The following TPCN2 variants were observed in gnomAD, a reference collection of about 807,000 sequenced individuals.
TPCN2 encodes the protein two pore channel protein 2.
In TPCN2, 92 loss-of-function variants were observed where a neutral mutation model predicts 111.4. The ratio of observed to expected loss-of-function variants is 0.83; its 90% CI spans 0.70 to 0.98. The LOEUF is 0.98. Ranked by LOEUF, TPCN2 falls within the 50% of genes least tolerant of loss-of-function variation. The pLI is 0.00. For synonymous variants in TPCN2, 405 were observed against 414.5 expected, an observed-to-expected ratio of 0.98 and a Z score of 0.28; for missense variants, 995 against 980.1, an observed-to-expected ratio of 1.02 and a Z score of -0.20.
chr11:69,061,892 C>T (rs892989658), intron 5 of TPCN2, among the ~76,000 whole-genome samples: 1 of 151,874 alleles, frequency 6.6e-6, no homozygotes, highest in South Asian at 2.1e-4. Context: ...TCTGTCCTCA[C>T]AGAAGGAAGG....
At chr11:69,068,317 G>A (rs971794660) in intron 8 of TPCN2, among the ~76,000 whole-genome samples, 3 of 140,410 alleles carry the variant, frequency 2.1e-5, no homozygotes, top group Non-Finnish European at 3.1e-5. Flanking sequence ...GAGCAGGGCC[G>A]TCTGAGTCCT....
intron 4 of TPCN2, 59 bp from the exon 5 acceptor site, chr11:69,057,519 C>T (rs1854827778): frequency 2.0e-6 from 3 of 1,510,062 alleles, no homozygotes; most frequent in African/African-American, 1.4e-5. Context: ...CCGTCATTCT[C>T]TGGCTGCAGG....
intron 4 of TPCN2, 51 bp from the exon 5 acceptor site, chr11:69,057,527 A>G (rs1854828738): frequency 6.5e-7 from 1 of 1,536,088 alleles, no homozygotes; most frequent in Non-Finnish European, 9.0e-7. Flanking sequence ...CTCTGGCTGC[A>G]GGGCCAGCGT....
chr11:69,079,996 A>T, intron 17 of TPCN2, 113 bp downstream of exon 17: 2 of 960,066 alleles, frequency 2.1e-6, no homozygotes, highest in Non-Finnish European at 3.2e-6. Flanking sequence ...ACTCTAGGGC[A>T]GACCCCGTGA....
chr11:69,063,826 C>T (rs1312052014), intron 6 of TPCN2, 69 bp from the exon 7 acceptor site: 9 of 1,514,612 alleles, frequency 5.9e-6, no homozygotes, highest in Non-Finnish European at 8.2e-6. Flanking sequence ...TCACCGAGCC[C>T]TGCAGGCAGG....
chr11:69,058,185 A>G (rs1854859555), intron 5 of TPCN2, among the ~76,000 whole-genome samples: 2 of 152,074 alleles, frequency 1.3e-5, no homozygotes, highest in Admixed American at 1.3e-4. Context: ...GGGCTTTGCG[A>G]GAATAGAGCT....
At chr11:69,070,387 G>A (rs764957388) in intron 8 of TPCN2, 43 bp from the exon 9 acceptor site, 4 of 1,478,424 alleles carry the variant, frequency 2.7e-6, no homozygotes, top group African/African-American at 1.4e-5. Context: ...AGTGGGATCA[G>A]GTACTGAGGT....
At chr11:69,072,546 G>C (rs3750963) in intron 11 of TPCN2, 81 bp from the exon 12 acceptor site, 1 of 1,436,248 alleles carries the variant, frequency 7.0e-7, no homozygotes, top group East Asian at 2.4e-5. Flanking sequence ...CAAGCCAGAC[G>C]CCAGGGCAGG....
Position 69,085,303 on chromosome 11 carries a change from G to A in TPCN2, c.1838+17G>A. On this transcript the variant is annotated intron_variant, in intron 20 of 24. Transcript: ENST00000294309. ...AAACAGCAGGTGAGGTGGGGTCCGA[G>A]GTGCCACAGGGAGTGTCTCAGGGGT... 1 of 1,612,700 alleles carries A rather than the reference G, an allele frequency of 6.2e-7. No homozygotes were observed.
chr11:69,072,014 T>A lies in TPCN2; in HGVS notation c.1052T>A (p.Phe351Tyr). 2 of 1,613,256 alleles carry A rather than the reference T, an allele frequency of 1.2e-6. No homozygotes were observed. Among genetic ancestry groups the A allele is most frequent in the Non-Finnish European group, 1.7e-6 (2 of 1,179,624 alleles). Reference sequence around the variant, plus strand: ...TCCATGGTGGGGGAGGGAGGAGCCTTCCCTCAGGCGTGAGTGCTGGGCATG... The same window carrying A: ...TCCATGGTGGGGGAGGGAGGAGCCTACCCTCAGGCGTGAGTGCTGGGCATG... ...LSSMVGEGGA[F>Y]PQAVGVKPQN... Residue 351 changes from phenylalanine (F) to tyrosine (Y), a missense_variant, in exon 11 of 25, where the codon TTC becomes TAC. Physicochemically the swap from Phe to Tyr is conservative, Grantham distance 22. Transcript: ENST00000294309.
At chr11:69,074,263 T>A (rs1855658988) in intron 13 of TPCN2, among the ~76,000 whole-genome samples, 1 of 152,222 alleles carries the variant, frequency 6.6e-6, no homozygotes, top group Admixed American at 6.5e-5. Context: ...CACGCACTCG[T>A]CCCCATCCTC....
chr11:69,085,622 T>C, intron 20 of TPCN2, 49 bp from the exon 21 acceptor site: 1 of 1,284,764 alleles, frequency 7.8e-7, no homozygotes, highest in Non-Finnish European at 1.1e-6. Context: ...GTATCAGGCC[T>C]CAGAACCTGG....
Position 69,087,174 on chromosome 11 carries a change from CA to C in TPCN2, c.2149del (p.Thr717ProfsTer4), listed in dbSNP as rs1439046431. ...AGCCCCTTGCTGGGACCCCAGAGGCCACCTACCAGATGACTGTGGAGCTCCT... is the reference window on the plus strand; with the variant it reads ...AGCCCCTTGCTGGGACCCCAGAGGCCCCTACCAGATGACTGTGGAGCTCCT... ...LQPLAGTPEATYQMTVELLFR... is the reference protein window; with the variant it reads ...LQPLAGTPEAXYQMTVELLFR... On this transcript the variant is annotated frameshift_variant, in exon 24 of 25. Transcript: ENST00000294309. LOFTEE classifies it high-confidence loss of function. The C allele has an allele frequency of 2.5e-6, 4 of 1,613,798 alleles. No individual in the cohort carries two copies. The highest frequency in any genetic ancestry group is 3.4e-6 in the Non-Finnish European group (4 of 1,179,888).
chr11:69,067,701 C>G, intron 8 of TPCN2, 96 bp downstream of exon 8: 1 of 1,068,764 alleles, frequency 9.4e-7, no homozygotes, highest in South Asian at 1.4e-5. Context: ...GTGGGAGTTT[C>G]TGAGGCCTTT....
At position 69,054,052 on chromosome 11, in the gene TPCN2, C is replaced by G. The variant is rs1460025155; in HGVS notation, c.129C>G (p.Asp43Glu). The G allele has an allele frequency of 1.9e-6, 3 of 1,613,788 alleles. No homozygotes were observed. The East Asian group carries it at 6.7e-5, about 36-fold the overall frequency. ...CTGCAGGTGCCGCGGCCAGGTGGGA[C>G]CTCTGCATTGATCAGGCTGTGGTCT... The part of the protein sequence containing the change: ...QVGPGAAARW[D>E]LCIDQAVVFI... Residue 43 changes from aspartate (D) to glutamate (E), a missense_variant, in exon 2 of 25, where the codon GAC (aspartate) becomes GAG (glutamate). By Grantham distance (45) the Asp-to-Glu change is conservative. Coordinates refer to ENST00000294309, the MANE Select transcript of TPCN2 (RefSeq NM_139075.4).
intron 1 of TPCN2, among the ~76,000 whole-genome samples, chr11:69,051,543 CAG>C (rs1019864903): frequency 6.6e-6 from 1 of 152,186 alleles, no homozygotes; most frequent in Non-Finnish European, 1.5e-5. Flanking sequence ...CCTGGAGCAA[CAG>C]GGGAGCGGGA....
At chr11:69,056,133 C>T (rs889679997) in intron 4 of TPCN2, among the ~76,000 whole-genome samples, 1 of 152,348 alleles carries the variant, frequency 6.6e-6, no homozygotes, top group Middle Eastern at 3.4e-3. Flanking sequence ...CAGGGGCCCC[C>T]ACATCCATGC....
chr11:69,067,818 C>T (rs1291774965), intron 8 of TPCN2, among the ~76,000 whole-genome samples: 1 of 152,146 alleles, frequency 6.6e-6, no homozygotes, highest in Non-Finnish European at 1.5e-5. Flanking sequence ...TGTCCCTTCT[C>T]TTTCCTTCTT....
rs772495575 is a variant in TPCN2, at chr11:69,071,808, C to G, written c.961-115C>G. The G allele has an allele frequency of 8.2e-4, 770 of 940,482 alleles. 1 individual carries two copies. The highest frequency in any genetic ancestry group is 1.1e-3 in the Non-Finnish European group (653 of 608,512). The allele number at this position is 940,482 out of a possible 1,614,324, so 58.3% of individuals were successfully genotyped here. A position where few individuals can be genotyped will look rare whatever the true frequency, so the allele number is the denominator to read the frequency against. On this transcript the variant is annotated intron_variant, in intron 10 of 24. Coordinates refer to ENST00000294309, the MANE Select transcript of TPCN2 (RefSeq NM_139075.4). ...GCCCCCAGGCTGTGGGGAACTGGGC[C>G]CCCCCCCAAGGCTGCCCAGACTCCC...
Sources: allele counts gnomAD v4.1 joint callset (sites outside exome capture counted in the v4.1 genomes callset), GRCh38; gene constraint gnomAD v4.1.1; transcripts MANE v1.5; gene names NCBI Gene and HGNC (gene_info 2026-07-23, HGNC 2026-07-21).